DGKD: variants seen among roughly 807,000 people sequenced by gnomAD.
DGKD encodes diacylglycerol kinase delta.
In DGKD, 68 loss-of-function variants were observed where a neutral mutation model predicts 154.4. The observed-to-expected ratio is 0.44, with a 90% CI of 0.36 to 0.54. DGKD has a LOEUF of 0.54. Ranked by LOEUF, DGKD falls within the 20% of genes least tolerant of loss-of-function variation. The pLI, the probability that DGKD is intolerant of heterozygous loss-of-function variation, is 0.00. For missense variants in DGKD, 1,343 were observed against 1,593.6 expected, an observed-to-expected ratio of 0.84 and a Z score of 2.68; for synonymous variants, 693 against 638.0, an observed-to-expected ratio of 1.09 and a Z score of -1.30.
intron 12 of DGKD, 81 bp downstream of exon 12, chr2:233,446,877 C>G (rs2063093027): frequency 6.7e-7 from 1 of 1,492,880 alleles, no homozygotes; most frequent in South Asian, 1.2e-5. Flanking sequence ...CATCACCTCC[C>G]TTGCAGAGAC....
At chr2:233,428,939 T>C (rs2062412668) in intron 3 of DGKD, among the ~76,000 whole-genome samples, 1 of 152,332 alleles carries the variant, frequency 6.6e-6, no homozygotes, top group South Asian at 2.1e-4. Flanking sequence ...CTGACATTTA[T>C]CTGTTGCTCA....
chr2:233,378,304 C>T (rs1702695950), intron 1 of DGKD, among the ~76,000 whole-genome samples: 1 of 151,408 alleles, frequency 6.6e-6, no homozygotes, highest in Non-Finnish European at 1.5e-5. Flanking sequence ...CCCAGCTACT[C>T]AGGAGGCTGA....
chr2:233,375,586 T>C (rs1702532846), intron 1 of DGKD, among the ~76,000 whole-genome samples: 1 of 152,050 alleles, frequency 6.6e-6, no homozygotes, highest in Non-Finnish European at 1.5e-5. Context: ...GTTTGGTGCC[T>C]TGCCCTCTGA....
Position 233,457,561 on chromosome 2 carries a change from T to C in DGKD, c.2580+233T>C, listed in dbSNP as rs1327628279. On this transcript the variant is annotated intron_variant, in intron 21 of 29. Coordinates refer to ENST00000264057, the MANE Select transcript of DGKD (RefSeq NM_152879.3). This position sits in a 1 kb window ranked among gnomAD's most constrained non-coding sequence, Gnocchi z 5.5. ...AGTGAGGGTCTGTGGTCAGCAGATG[T>C]GGTCAGCGGGTGTGACGTGGAAGGA... 9.3e-6 allele frequency: 6 copies of C among 642,084 alleles called. No homozygotes were observed. The Admixed American group carries it at 1.0e-4, about 11-fold the overall frequency. 39.8% of individuals were successfully genotyped at this position (642,084 alleles called of 1,614,324 possible). A position where few individuals can be genotyped will look rare whatever the true frequency, so the allele number is the denominator to read the frequency against.
chr2:233,411,445 G>T (rs912073664), intron 3 of DGKD, among the ~76,000 whole-genome samples: 1 of 152,148 alleles, frequency 6.6e-6, no homozygotes, highest in South Asian at 2.1e-4. Context: ...GATGACTAAT[G>T]ATGTCAACAT....
chr2:233,369,204 C>T (rs578147492), intron 1 of DGKD, among the ~76,000 whole-genome samples: 19 of 152,148 alleles, frequency 1.2e-4, no homozygotes, highest in Non-Finnish European at 2.2e-4. Flanking sequence ...CCACTCTGTC[C>T]ATCTCAGTAT....
Position 233,388,301 on chromosome 2 carries a change from C to T in DGKD, c.201C>T (p.Phe67=), listed in dbSNP as rs1292410869. ...EGMLTKQNNS[F]QRSKRRYFKL... ...TGCTGACCAAACAGAACAATTCATT[C>T]CAGCGATCAAAAAGGAGATACTTTA... is the stretch of plus-strand genomic sequence containing the variant. Residue 67 remains phenylalanine, a synonymous_variant, in exon 2 of 30, where the codon TTC becomes TTT. Transcript: ENST00000264057. 1.2e-6 allele frequency: 2 copies of T among 1,614,046 alleles called. No homozygotes were observed. The highest frequency in any genetic ancestry group is 1.7e-5 in the Admixed American group (1 of 59,978).
intron 19 of DGKD, among the ~76,000 whole-genome samples, chr2:233,456,296 G>A (rs1301887058): frequency 6.6e-6 from 1 of 152,254 alleles, no homozygotes; most frequent in Non-Finnish European, 1.5e-5. Context: ...GCAGTGCCCG[G>A]CTGAGGATGG....
intron 3 of DGKD, among the ~76,000 whole-genome samples, chr2:233,409,787 GT>G (rs3075533): frequency 0.014 from 871 of 60,886 alleles, 23 homozygotes; most frequent in African/African-American, 0.051. Context: ...CCCCCATACC[GT>G]TTTTTTTTTT....
At chr2:233,467,033 A>G in intron 27 of DGKD, 53 bp from the exon 28 acceptor site, 1 of 1,412,132 alleles carries the variant, frequency 7.1e-7, no homozygotes, top group Non-Finnish European at 1.0e-6. Flanking sequence ...GATGGGCATG[A>G]GGCCGTGATC....
In DGKD at chr2:233,458,724, G is replaced by A. The variant is rs930816055; in HGVS notation, c.2694+327G>A. Among the ~76,000 whole-genome samples the A allele has an allele frequency of 1.3e-5, 2 of 150,942 alleles. No individual in the cohort carries two copies. The highest frequency in any genetic ancestry group is 2.4e-5 in the African/African-American group (1 of 41,028). On this transcript the variant is annotated intron_variant, in intron 22 of 29. Coordinates refer to ENST00000264057, the MANE Select transcript of DGKD (RefSeq NM_152879.3). This position sits in a 1 kb window ranked among gnomAD's most constrained non-coding sequence, Gnocchi z 6.6. ...CCTCCCTGGTTCAAGTGATTCTCCC[G>A]CCTCAGCCTTCCGAGTAGCTGGGAC...
At position 233,438,745 on chromosome 2, in the gene DGKD, G is replaced by GTCTA. The variant is rs150251118; in HGVS notation, c.1085+373_1085+376dup. Among the ~76,000 whole-genome samples, 307 of 89,432 alleles carry GTCTA rather than the reference G, an allele frequency of 3.4e-3. 1 individual carries two copies. The highest frequency in any genetic ancestry group is 0.016 in the African/African-American group (285 of 17,864). 58.7% of individuals were successfully genotyped at this position (89,432 alleles called of 152,430 possible). A position where few individuals can be genotyped will look rare whatever the true frequency, so the allele number is the denominator to read the frequency against. ...TCATTTTATAATTTTTTATTTATCT[G>GTCTA]TCTATCTATCATCTATCTATCTATC... On this transcript the variant is annotated intron_variant, in intron 9 of 29. Transcript: ENST00000264057. This position sits in a 1 kb window ranked among gnomAD's most constrained non-coding sequence, Gnocchi z 4.1.
rs899021429 is a variant in DGKD, at chr2:233,433,370, T to A, written c.349-1010T>A. 7.3e-5 allele frequency among the ~76,000 whole-genome samples: 11 copies of A among 151,666 alleles called. No individual in the cohort carries two copies. In the South Asian group the frequency reaches 1.0e-3, roughly 14 times the overall value. ...GACAAACTTCACATGTTCTTATTTG[T>A]GGGAGCTAATAAAAAAAAAAAGAAA... is the stretch of plus-strand genomic sequence containing the variant. On this transcript the variant is annotated intron_variant, in intron 3 of 29. Transcript: ENST00000264057.
intron 3 of DGKD, among the ~76,000 whole-genome samples, chr2:233,423,793 G>A (rs76257455): frequency 0.021 from 3,268 of 152,130 alleles, 77 homozygotes; most frequent in East Asian, 0.1. Flanking sequence ...GCAGGCTTTT[G>A]TTGGGGCTTT....
At chr2:233,398,611 T>C (rs772217265) in intron 3 of DGKD, among the ~76,000 whole-genome samples, 26 of 152,210 alleles carry the variant, frequency 1.7e-4, no homozygotes, top group Non-Finnish European at 3.4e-4. Flanking sequence ...ATTTTAGTTG[T>C]TGTCTTCAAG....
rs761661468 is a variant in DGKD, at chr2:233,445,611, A to G, written c.1195-12A>G. 3.9e-5 allele frequency: 63 copies of G among 1,599,398 alleles called. No homozygotes were observed. The highest frequency in any genetic ancestry group is 5.1e-5 in the Non-Finnish European group (60 of 1,172,694). On this transcript the variant is annotated splice_polypyrimidine_tract_variant and intron_variant, in intron 10 of 29. Coordinates refer to ENST00000264057, the MANE Select transcript of DGKD (RefSeq NM_152879.3). This position sits in a 1 kb window ranked among gnomAD's most constrained non-coding sequence, Gnocchi z 5.5. ...GGTGTTTGCCTGCGCATCGTCCCCCATGTTTCCTTAGTGTCAGCTGGGAGT... is the reference window on the plus strand; with the variant it reads ...GGTGTTTGCCTGCGCATCGTCCCCCGTGTTTCCTTAGTGTCAGCTGGGAGT...
Position 233,451,022 on chromosome 2 carries a change from T to G in DGKD, c.2139T>G (p.Pro713=). Residue 713 remains proline, a synonymous_variant, in exon 17 of 30, where the codon CCT becomes CCG. Transcript: ENST00000264057. ...AGCCGGGAAGCCGGGACGGCCTGCC[T>G]GCGCTCAACACCAAGATCCTGTACC... ...PPQPGSRDGL[P]ALNTKILYPN... 1.2e-6 allele frequency: 2 copies of G among 1,611,990 alleles called. No individual in the cohort carries two copies. The highest frequency in any genetic ancestry group is 8.5e-7 in the Non-Finnish European group (1 of 1,178,200).
rs114751823 is a variant in DGKD, at chr2:233,356,239, C to T, written c.156+1565C>T. ...GCTTTAGGCACAACTGCGAAATGAT[C>T]AGAAGTTGGGCCAGAGGTGGATCAC... On this transcript the variant is annotated intron_variant, in intron 1 of 29. Transcript: ENST00000264057. Among the ~76,000 whole-genome samples, 756 of 152,314 alleles carry T rather than the reference C, an allele frequency of 5.0e-3. 10 individuals are homozygous for T. Among genetic ancestry groups the T allele is most frequent in the African/African-American group, 0.017 (713 of 41,564 alleles).
At chr2:233,437,286 G>T (rs1043434871) in intron 7 of DGKD, 91 bp from the exon 8 acceptor site, 12 of 1,226,428 alleles carry the variant, frequency 9.8e-6, no homozygotes, top group Non-Finnish European at 1.4e-5. Context: ...TGCCTCCCCC[G>T]AGGCCAGCTC....
Sources: allele counts gnomAD v4.1 joint callset (sites outside exome capture counted in the v4.1 genomes callset), GRCh38; gene constraint gnomAD v4.1.1; non-coding constraint Gnocchi (gnomAD v3.1); transcripts MANE v1.5; gene names NCBI Gene and HGNC (gene_info 2026-07-23, HGNC 2026-07-21).